Variants in SCLT1 observed in about 807,000 individuals in gnomAD.
The protein encoded by SCLT1 is sodium channel and clathrin linker 1, also known as sodium channel-associated protein 1.
A neutral mutation model predicts 112.8 loss-of-function variants in SCLT1; 78 were observed. The observed-to-expected ratio is 0.69, with a 90% CI of 0.58 to 0.83. The LOEUF (loss-of-function observed/expected upper bound fraction) is 0.83, where lower values mean the gene tolerates loss of function less well. Ranked by LOEUF, SCLT1 falls within the 40% of genes least tolerant of loss-of-function variation. The pLI, the probability that SCLT1 is intolerant of heterozygous loss-of-function variation, is 0.00. For missense variants in SCLT1, 747 were observed against 770.4 expected, an observed-to-expected ratio of 0.97 and a Z score of 0.36; for synonymous variants, 257 against 254.7, an observed-to-expected ratio of 1.01 and a Z score of -0.09.
intron 11 of SCLT1, among the ~76,000 whole-genome samples, chr4:128,961,659 T>G (rs1401785305): frequency 6.6e-6 from 1 of 152,228 alleles, no homozygotes; most frequent in Non-Finnish European, 1.5e-5. Context: ...AGTTCTTATC[T>G]GTCTAAACTT....
intron 5 of SCLT1, among the ~76,000 whole-genome samples, chr4:129,011,416 A>C (rs1744509083): frequency 6.6e-6 from 1 of 152,004 alleles, no homozygotes; most frequent in South Asian, 2.1e-4. Context: ...TGGTATCAGG[A>C]TGATGTTGGC....
intron 18 of SCLT1, among the ~76,000 whole-genome samples, chr4:128,894,229 A>G (rs1192936866): frequency 6.6e-6 from 1 of 152,116 alleles, no homozygotes; most frequent in Non-Finnish European, 1.5e-5. Context: ...GGTGTGAGCC[A>G]CTGCATCTGG....
At chr4:128,898,602 C>T (rs1733988936) in intron 18 of SCLT1, among the ~76,000 whole-genome samples, 2 of 152,058 alleles carry the variant, frequency 1.3e-5, no homozygotes, top group Admixed American at 6.5e-5. Context: ...CCTAACATCA[C>T]AATTAAAAGA....
chr4:128,993,348 T>C (rs1367915330), intron 8 of SCLT1, among the ~76,000 whole-genome samples: 6 of 152,122 alleles, frequency 3.9e-5, no homozygotes, highest in African/African-American at 1.2e-4. Flanking sequence ...GCCTGGCACA[T>C]GATTGAGTAC....
chr4:128,988,167 G>A (rs914548752), intron 9 of SCLT1, among the ~76,000 whole-genome samples: 2 of 152,100 alleles, frequency 1.3e-5, no homozygotes, highest in Non-Finnish European at 2.9e-5. Context: ...GACAAATACA[G>A]AATATTCTAA....
rs750441535 is a variant in SCLT1 at position 129,003,849 on chromosome 4, A to T, written c.318T>A (p.Val106=). ...GGGGAAAGGCCTCCAATTTTTTTTC[A>T]ACAGCATCTTTTAATTCACTGTGCA... is the stretch of plus-strand genomic sequence containing the variant. ...ERLHSELKDA[V]EKKLEAFPLG... Residue 106 remains valine, a synonymous_variant, in exon 6 of 21, where the codon GTT becomes GTA. Coordinates refer to ENST00000281142, the MANE Select transcript of SCLT1 (RefSeq NM_144643.4). 6.2e-7 allele frequency: 1 copy of T among 1,612,124 alleles called. No homozygotes were observed. Among genetic ancestry groups the T allele is most frequent in the Non-Finnish European group, 8.5e-7 (1 of 1,178,976 alleles).
rs373787949 is a variant in SCLT1 at position 129,082,401 on chromosome 4, G to A, written c.35-28C>T. The A allele has an allele frequency of 3.5e-6, 5 of 1,410,988 alleles. No homozygotes were observed. In the African/African-American group the frequency reaches 5.7e-5, roughly 16 times the overall value. 87.4% of individuals were successfully genotyped at this position (1,410,988 alleles called of 1,614,324 possible). A position where few individuals can be genotyped will look rare whatever the true frequency, so the allele number is the denominator to read the frequency against. ...GAAACAAGCGGGAAAACAGATTTCAGTTCATTGAGTAATGGTCAATTCTTT... is the reference window on the plus strand; with the variant it reads ...GAAACAAGCGGGAAAACAGATTTCAATTCATTGAGTAATGGTCAATTCTTT... On this transcript the variant is annotated intron_variant, in intron 1 of 20. Transcript: ENST00000281142.
intron 5 of SCLT1, among the ~76,000 whole-genome samples, chr4:129,032,899 T>A (rs1216766665): frequency 6.6e-6 from 1 of 152,146 alleles, no homozygotes; most frequent in East Asian, 1.9e-4. Flanking sequence ...TGTAAATTAG[T>A]TCAACCATTG....
intron 18 of SCLT1, among the ~76,000 whole-genome samples, chr4:128,933,022 A>G (rs1409678042): frequency 6.6e-6 from 1 of 152,182 alleles, no homozygotes; most frequent in Non-Finnish European, 1.5e-5. Context: ...TGTCGATACT[A>G]TTCAAAGTGA....
intron 16 of SCLT1, chr4:128,944,682 TAAGA>T (rs1011456785): frequency 6.6e-6 from 1 of 152,012 alleles, no homozygotes; most frequent in African/African-American, 2.4e-5. Context: ...ATGAAGTAAC[TAAGA>T]AAAAAGTTCA....
intron 7 of SCLT1, 43 bp downstream of exon 7, chr4:128,999,629 A>G: frequency 1.3e-6 from 2 of 1,526,134 alleles, no homozygotes; most frequent in Non-Finnish European, 9.0e-7. Context: ...TCAGAGTGCA[A>G]TTTCTTATTG....
At chr4:128,905,077 C>A (rs774707728) in intron 18 of SCLT1, among the ~76,000 whole-genome samples, 2 of 152,094 alleles carry the variant, frequency 1.3e-5, no homozygotes, top group African/African-American at 4.8e-5. Flanking sequence ...ATTCAATGAC[C>A]TACTTGACAC....
At chr4:128,925,820 T>C (rs578126589) in intron 18 of SCLT1, among the ~76,000 whole-genome samples, 1 of 152,100 alleles carries the variant, frequency 6.6e-6, no homozygotes, top group Non-Finnish European at 1.5e-5. Flanking sequence ...GATCTTTTCT[T>C]GTGCAGTGTA....
At chr4:128,880,860 G>A (rs915164375), downstream of SCLT1, among the ~76,000 whole-genome samples, 7 of 152,128 alleles carry the variant, frequency 4.6e-5, no homozygotes, top group Non-Finnish European at 5.9e-5. Flanking sequence ...AAAGAGAAAG[G>A]GTACATAGTT....
In SCLT1 at chr4:129,066,263, GTAT is replaced by G. The variant is rs542920961; in HGVS notation, c.102+16040_102+16042del. Among the ~76,000 whole-genome samples, 315 of 151,846 alleles carry G rather than the reference GTAT, an allele frequency of 2.1e-3. 1 individual carries two copies. In the South Asian group the frequency reaches 0.026, roughly 13 times the overall value. ...TTTACTATGTTTTAATGACCAAAGGGTATTATTAGAAAAAATATAACAGAGGAA... is the reference window on the plus strand; with the variant it reads ...TTTACTATGTTTTAATGACCAAAGGGTATTAGAAAAAATATAACAGAGGAA... On this transcript the variant is annotated intron_variant, in intron 2 of 20. Transcript: ENST00000281142.
rs371846468 is a variant in SCLT1, at chr4:129,093,249, G to GC, written c.-147dup. ...GTGCAATCTGCATCCTACTCACGCG[G>GC]CATCTACAGCCCCGCCACGCTTCTT... On this transcript the variant is annotated 5_prime_UTR_variant, in exon 1 of 21. An upstream open reading frame in the 5' UTR gains an earlier in-frame stop. Transcript: ENST00000281142. The GC allele has an allele frequency of 1.4e-4, 95 of 688,344 alleles. 1 individual carries two copies. In the African/African-American group the frequency reaches 1.4e-3, roughly 10 times the overall value. 42.6% of individuals were successfully genotyped at this position (688,344 alleles called of 1,614,324 possible).
chr4:129,003,451 A>G (rs1743704798), intron 6 of SCLT1, among the ~76,000 whole-genome samples: 1 of 151,592 alleles, frequency 6.6e-6, no homozygotes, highest in South Asian at 2.1e-4. Flanking sequence ...AAAAAAAGAA[A>G]AAGAAAAAAA....
chr4:128,993,992 T>C (rs574061962), intron 8 of SCLT1, among the ~76,000 whole-genome samples: 5 of 152,214 alleles, frequency 3.3e-5, no homozygotes, highest in Admixed American at 2.0e-4. Flanking sequence ...CTAATTTGCA[T>C]TGGTAAAGAA....
intron 18 of SCLT1, among the ~76,000 whole-genome samples, chr4:128,931,391 G>C (rs943889913): frequency 3.3e-5 from 5 of 152,022 alleles, no homozygotes; most frequent in Non-Finnish European, 7.4e-5. Context: ...TTTTATTGTC[G>C]AGATTTGTTG....
Sources: allele counts gnomAD v4.1 joint callset (sites outside exome capture counted in the v4.1 genomes callset), GRCh38; gene constraint gnomAD v4.1.1; transcripts MANE v1.5; gene names NCBI Gene and HGNC (gene_info 2026-07-23, HGNC 2026-07-21).